UGT1A8: variants seen among roughly 807,000 people sequenced by gnomAD.
UGT1A8 encodes the protein UDP-glucuronosyltransferase 1A8.
In UGT1A8, 39 loss-of-function variants were observed where a neutral mutation model predicts 45.3. The observed-to-expected ratio is 0.86, with a 90% confidence interval of 0.67 to 1.12. The LOEUF (loss-of-function observed/expected upper bound fraction) is 1.12, where lower values mean the gene tolerates loss of function less well. UGT1A8 is among the 50% of genes most tolerant of loss of function. UGT1A8 has a pLI of 0.00. For missense variants in UGT1A8, 719 were observed against 664.9 expected, an observed-to-expected ratio of 1.08 and a Z score of -0.90; for synonymous variants, 275 against 249.2, an observed-to-expected ratio of 1.10 and a Z score of -0.97.
At chr2:233,696,174 A>G (rs1477446914) in intron 1 of UGT1A8, among the ~76,000 whole-genome samples, 1 of 152,242 alleles carries the variant, frequency 6.6e-6, no homozygotes, top group African/African-American at 2.4e-5. Flanking sequence ...AAAAATATAT[A>G]TTGAAGAGCT....
chr2:233,758,423 G>T (rs1305067521), intron 1 of UGT1A8, among the ~76,000 whole-genome samples: 3 of 152,182 alleles, frequency 2.0e-5, no homozygotes, highest in Non-Finnish European at 1.5e-5. Flanking sequence ...ATCTGCAAAT[G>T]AACTCACACA....
chr2:233,713,956 A>G, intron 1 of UGT1A8: 1 of 1,608,152 alleles, frequency 6.2e-7, no homozygotes. Context: ...TTATCTTTCC[A>G]AAGATTTCAT....
At chr2:233,768,722 A>G (rs1461787067) in intron 4 of UGT1A8, among the ~76,000 whole-genome samples, 1 of 150,864 alleles carries the variant, frequency 6.6e-6, no homozygotes, top group Non-Finnish European at 1.5e-5. Flanking sequence ...AGCTGGGATT[A>G]CAGGTGTCCA....
intron 1 of UGT1A8, chr2:233,719,790 T>C (rs189931898): frequency 6.2e-7 from 1 of 1,608,848 alleles, no homozygotes; most frequent in East Asian, 2.2e-5. Flanking sequence ...TTTCCAAAGA[T>C]TTTATTTTGG....
intron 1 of UGT1A8, chr2:233,755,168 T>C (rs1695794635): frequency 1.6e-6 from 2 of 1,266,444 alleles, no homozygotes; most frequent in Non-Finnish European, 1.1e-6. Flanking sequence ...CCTCGGGGTT[T>C]TTGTCGGGGT....
intron 1 of UGT1A8, chr2:233,747,993 T>G: frequency 6.2e-7 from 1 of 1,613,560 alleles, no homozygotes; most frequent in Non-Finnish European, 8.5e-7. Context: ...CCGAGGGGAC[T>G]TTGTGATGGA....
chr2:233,712,992 A>G, intron 1 of UGT1A8: 1 of 1,613,364 alleles, frequency 6.2e-7, no homozygotes, highest in Non-Finnish European at 8.5e-7. Context: ...TTCTGCTGAG[A>G]TGGCCACAGG....
intron 1 of UGT1A8, among the ~76,000 whole-genome samples, chr2:233,671,449 A>G (rs372714536): frequency 7.2e-5 from 11 of 152,172 alleles, no homozygotes; most frequent in African/African-American, 2.6e-4. Context: ...CCAATTTAGG[A>G]GGTTAGGAGG....
chr2:233,682,791 T>C lies in UGT1A8; in HGVS notation c.855+64229T>C, dbSNP rs147013594. ...TGTCATCAGGGAAAGCCAGTGCCTA[T>C]GGTAAGTTATCTCCCCTTTAGCACA... On this transcript the variant is annotated intron_variant, in intron 1 of 4. Transcript: ENST00000373450. The C allele has an allele frequency of 5.0e-6, 8 of 1,611,538 alleles. No homozygotes were observed. The African/African-American group carries it at 1.1e-4, about 22-fold the overall frequency.
intron 1 of UGT1A8, among the ~76,000 whole-genome samples, chr2:233,639,174 G>T (rs1469448982): frequency 1.3e-5 from 2 of 151,914 alleles, no homozygotes; most frequent in Non-Finnish European, 2.9e-5. Context: ...AACTATATAT[G>T]GTTTCATTTA....
In UGT1A8 at chr2:233,701,831, A is replaced by G. The variant is rs28899177; in HGVS notation, c.856-65203A>G. On this transcript the variant is annotated intron_variant, in intron 1 of 4. Coordinates refer to ENST00000373450, the MANE Select transcript of UGT1A8 (RefSeq NM_019076.5). ...GACACAACATACCAGAATCTCTGGG[A>G]CACATTCAAAGCAGTGTGTAGAGGG... 7.1e-4 allele frequency among the ~76,000 whole-genome samples: 108 copies of G among 152,314 alleles called. No homozygotes were observed. In the East Asian group the frequency reaches 0.012, roughly 17 times the overall value.
intron 1 of UGT1A8, chr2:233,672,384 T>A: frequency 1.2e-6 from 2 of 1,614,158 alleles, no homozygotes; most frequent in South Asian, 2.2e-5. Flanking sequence ...TCGATCCTTT[T>A]GATAACTGTG....
intron 1 of UGT1A8, among the ~76,000 whole-genome samples, chr2:233,724,154 G>A (rs1327662182): frequency 4.4e-3 from 337 of 76,566 alleles, no homozygotes; most frequent in Admixed American, 6.4e-3. Context: ...CTGGCCGGGT[G>A]GGGGGGCTGA....
intron 1 of UGT1A8, chr2:233,752,209 A>G (rs544905621): frequency 1.3e-5 from 2 of 152,350 alleles, no homozygotes; most frequent in East Asian, 3.9e-4. Context: ...AACTCCAGCC[A>G]GAAAAAATAT....
intron 1 of UGT1A8, chr2:233,713,795 G>A (rs371219022): frequency 4.3e-5 from 69 of 1,614,024 alleles, no homozygotes; most frequent in African/African-American, 1.5e-4. Flanking sequence ...ACCCCAGGCC[G>A]ATCATGCCCA....
At chr2:233,623,036 A>G (rs576135965) in intron 1 of UGT1A8, among the ~76,000 whole-genome samples, 73 of 152,278 alleles carry the variant, frequency 4.8e-4, no homozygotes, top group African/African-American at 1.7e-3. Context: ...AGAAGGTTGT[A>G]GATATGTGGT....
intron 1 of UGT1A8, among the ~76,000 whole-genome samples, chr2:233,663,414 T>C (rs1382682634): frequency 6.6e-6 from 1 of 152,082 alleles, no homozygotes; most frequent in Non-Finnish European, 1.5e-5. Context: ...GTTGAAGCTG[T>C]CTTCTTGCAC....
intron 1 of UGT1A8, among the ~76,000 whole-genome samples, chr2:233,639,664 TGAA>T (rs2125462065): frequency 6.6e-6 from 1 of 152,230 alleles, no homozygotes; most frequent in East Asian, 1.9e-4. Flanking sequence ...GGGGATTTCT[TGAA>T]GATCTCCTGT....
In UGT1A8 at chr2:233,740,888, C is replaced by A. The variant is rs557749460; in HGVS notation, c.856-26146C>A. On this transcript the variant is annotated intron_variant, in intron 1 of 4. Coordinates refer to ENST00000373450, the MANE Select transcript of UGT1A8 (RefSeq NM_019076.5). ...TTTAAATAAAATGCTCTTGCAGGGA[C>A]AACATAGTAGGTCAACATTGTTCCC... The A allele has an allele frequency of 9.3e-5, 14 of 150,988 alleles. No individual in the cohort carries two copies. In the East Asian group the frequency reaches 9.7e-4, roughly 10 times the overall value. The allele number at this position is 150,988 out of a possible 1,614,324, so 9.4% of individuals were successfully genotyped here. A position where few individuals can be genotyped will look rare whatever the true frequency, so the allele number is the denominator to read the frequency against.
Sources: gnomAD v4.1 joint callset for allele counts (sites outside exome capture counted in the v4.1 genomes callset) on GRCh38, gnomAD v4.1.1 for gene constraint, MANE v1.5 for transcripts, NCBI Gene and HGNC (gene_info 2026-07-23, HGNC 2026-07-21) for gene names.